Variants in ZNF536 observed in about 807,000 individuals in gnomAD.
ZNF536 encodes the protein zinc finger protein 536.
In ZNF536, 13 loss-of-function variants were observed where a neutral mutation model predicts 84.5. The observed-to-expected ratio is 0.15, with a 90% CI of 0.10 to 0.24. The LOEUF (loss-of-function observed/expected upper bound fraction) is 0.24, where lower values mean the gene tolerates loss of function less well. Ranked by LOEUF, ZNF536 falls within the 10% of genes least tolerant of loss-of-function variation. The probability of loss-of-function intolerance (pLI) is 1.00; values close to 1 mark genes in which losing one functional copy is unlikely to be tolerated. For synonymous variants in ZNF536, 811 were observed against 742.5 expected (o/e 1.09, Z -1.50); for missense variants, 1,536 against 1,747.5 (o/e 0.88, Z 2.16).
rs969786570 is a variant in ZNF536, at chr19:30,374,189, GT to G, written c.-3+1642del. On this transcript the variant is annotated intron_variant, in intron 1 of 4. Coordinates refer to ENST00000355537, the MANE Select transcript of ZNF536 (RefSeq NM_014717.3). ...TTGCCCTGGAGTGTATAAAGAAAGA[GT>G]TTTTTTTTCAATAAGAAAAGTAGTT... Among the ~76,000 whole-genome samples the G allele has an allele frequency of 9.9e-5, 15 of 151,184 alleles. No individual in the cohort carries two copies. The South Asian group carries it at 1.7e-3, about 17-fold the overall frequency.
chr19:30,540,012 C>G (rs1158067159), intron 3 of ZNF536, among the ~76,000 whole-genome samples: 1 of 152,242 alleles, frequency 6.6e-6, no homozygotes, highest in East Asian at 1.9e-4. Flanking sequence ...TCTTCTCCCT[C>G]TCGAGTTCTG....
At position 30,526,000 on chromosome 19, in the gene ZNF536, G is replaced by A. The variant is rs536242869; in HGVS notation, c.2171-8847G>A. ...GAGGCTGTTCCCAGGAGATGGCAGC[G>A]GCCTGGGCTGAATCTCTCAGACTCA... On this transcript the variant is annotated intron_variant, in intron 2 of 4. Coordinates refer to ENST00000355537, the MANE Select transcript of ZNF536 (RefSeq NM_014717.3). 3.9e-5 allele frequency among the ~76,000 whole-genome samples: 6 copies of A among 152,268 alleles called. No individual in the cohort carries two copies. The South Asian group carries it at 6.2e-4, about 16-fold the overall frequency.
intron 1 of ZNF536, among the ~76,000 whole-genome samples, chr19:30,420,310 A>ACAAGACCAACTTCCTTATAC (rs1568411220): frequency 6.6e-6 from 1 of 152,182 alleles, no homozygotes; most frequent in Non-Finnish European, 1.5e-5. Flanking sequence ...GTCTTGGAAG[A>ACAAGACCAACTTCCTTATAC]CCCCACAAGA....
chr19:30,227,368 G>A (rs1357720676), upstream of ZNF536, among the ~76,000 whole-genome samples: 4 of 152,164 alleles, frequency 2.6e-5, no homozygotes, highest in Non-Finnish European at 5.9e-5. Context: ...ATGTTGGGGG[G>A]CGGGGAGCGT....
intron 1 of ZNF536, among the ~76,000 whole-genome samples, chr19:30,588,161 G>A (rs920700698): frequency 2.0e-5 from 3 of 152,176 alleles, no homozygotes; most frequent in Non-Finnish European, 4.4e-5. Context: ...ATTGTTAGGC[G>A]CTGATCTTTA....
At chr19:30,666,392 T>G (rs894167687) in intron 1 of ZNF536, among the ~76,000 whole-genome samples, 3 of 152,124 alleles carry the variant, frequency 2.0e-5, no homozygotes, top group Non-Finnish European at 4.4e-5. Flanking sequence ...TCCCTTTCCC[T>G]GCCTCCTCCC....
intron 1 of ZNF536, among the ~76,000 whole-genome samples, chr19:30,421,545 A>G (rs1408310766): frequency 2.0e-5 from 3 of 152,080 alleles, no homozygotes; most frequent in Non-Finnish European, 2.9e-5. Context: ...AATTTTTTGT[A>G]GAGATGAGAG....
intron 1 of ZNF536, among the ~76,000 whole-genome samples, chr19:30,595,118 C>T (rs551597342): frequency 6.6e-6 from 1 of 152,234 alleles, no homozygotes; most frequent in South Asian, 2.1e-4. Flanking sequence ...GAAGTTGGGC[C>T]AGCCAGGCCA....
chr19:30,654,431 C>G (rs994610130), intron 1 of ZNF536, among the ~76,000 whole-genome samples: 1 of 151,906 alleles, frequency 6.6e-6, no homozygotes, highest in African/African-American at 2.4e-5. Flanking sequence ...CACCCCATCC[C>G]CAGTCTCTCC....
At chr19:30,597,138 C>CCT (rs1300432706) in intron 1 of ZNF536, among the ~76,000 whole-genome samples, 1 of 152,204 alleles carries the variant, frequency 6.6e-6, no homozygotes, top group Non-Finnish European at 1.5e-5. Flanking sequence ...GGGAAAGATC[C>CCT]CTGCACCAGT....
intron 1 of ZNF536, among the ~76,000 whole-genome samples, chr19:30,659,954 T>G (rs777362187): frequency 1.9e-4 from 17 of 91,328 alleles, no homozygotes; most frequent in East Asian, 6.2e-4. Flanking sequence ...GACACAAGGG[T>G]GTGTGTGTGT....
chr19:30,675,038 AG>A, intron 1 of ZNF536, among the ~76,000 whole-genome samples: 1 of 152,296 alleles, frequency 6.6e-6, no homozygotes, highest in African/African-American at 2.4e-5. Flanking sequence ...CAAGAGACAC[AG>A]ATAACAGTGC....
chr19:30,582,870 G>T (rs971803223), intron 1 of ZNF536, among the ~76,000 whole-genome samples: 1 of 152,130 alleles, frequency 6.6e-6, no homozygotes, highest in Non-Finnish European at 1.5e-5. Flanking sequence ...CTCCCACTGG[G>T]TCCCTCCCAC....
intron 2 of ZNF536, among the ~76,000 whole-genome samples, chr19:30,349,780 G>A (rs1450198758): frequency 4.6e-5 from 7 of 151,848 alleles, no homozygotes; most frequent in Admixed American, 6.6e-5. Context: ...CAGCATGGCC[G>A]GATATAATAT....
rs2145801392 is a variant in ZNF536 at position 30,291,304 on chromosome 19, A to G, written c.-120+7163A>G. On this transcript the variant is annotated intron_variant, in intron 2 of 5. Transcript: ENST00000585628. ...GTTGAACTAATTTACACTCCTACCA[A>G]CCATGTAAAAGCATTCCTATTTCTC... Among the ~76,000 whole-genome samples, 2 of 152,268 alleles carry G rather than the reference A, an allele frequency of 1.3e-5. 1 individual carries two copies. Among genetic ancestry groups the G allele is most frequent in the South Asian group, 4.2e-4 (2 of 4,816 alleles).
chr19:30,268,721 G>A (rs565101440), intron 1 of ZNF536, among the ~76,000 whole-genome samples: 2 of 152,334 alleles, frequency 1.3e-5, no homozygotes, highest in South Asian at 4.1e-4. Flanking sequence ...AGAGTACTTA[G>A]AGTTGAAATA....
intron 1 of ZNF536, among the ~76,000 whole-genome samples, chr19:30,263,287 A>G (rs970353873): frequency 1.3e-5 from 2 of 152,136 alleles, no homozygotes; most frequent in African/African-American, 4.8e-5. Flanking sequence ...TGATTTTGGA[A>G]AGCATTTACT....
intron 1 of ZNF536, among the ~76,000 whole-genome samples, chr19:30,410,687 C>T (rs2050454978): frequency 6.6e-6 from 1 of 151,922 alleles, no homozygotes; most frequent in Non-Finnish European, 1.5e-5. Context: ...ACCGTGTTAG[C>T]CAGGATGGTC....
At chr19:30,595,697 C>T (rs779191824) in intron 1 of ZNF536, among the ~76,000 whole-genome samples, 1 of 152,210 alleles carries the variant, frequency 6.6e-6, no homozygotes, top group Non-Finnish European at 1.5e-5. Flanking sequence ...TTCTCTCTGG[C>T]TCTTTCAAGA....
Sources: allele counts gnomAD v4.1 joint callset (sites outside exome capture counted in the v4.1 genomes callset), GRCh38; gene constraint gnomAD v4.1.1; transcripts MANE v1.5; gene names NCBI Gene and HGNC (gene_info 2026-07-23, HGNC 2026-07-21).